NKAIN3: variants seen among roughly 807,000 people sequenced by gnomAD.
NKAIN3 encodes the protein sodium/potassium transporting ATPase interacting 3, also known as sodium/potassium-transporting ATPase subunit beta-1-interacting protein 3.
NKAIN3 carries 25 observed loss-of-function variants against 30.2 expected under a neutral mutation model. The ratio of observed to expected loss-of-function variants is 0.83; its 90% CI spans 0.60 to 1.16. NKAIN3 has a LOEUF of 1.16. Among genes scored for constraint, NKAIN3 ranks in the 50% most tolerant of loss-of-function variants. NKAIN3 has a pLI of 0.00. For missense variants in NKAIN3, 225 were observed against 254.1 expected (o/e 0.89, Z 0.78); for synonymous variants, 91 against 89.6 (o/e 1.02, Z -0.09).
intron 3 of NKAIN3, among the ~76,000 whole-genome samples, chr8:62,591,218 G>A (rs1810639637): frequency 6.6e-6 from 1 of 151,834 alleles, no homozygotes; most frequent in Non-Finnish European, 1.5e-5. Context: ...AATTAGACCA[G>A]AGAAATTTGT....
At chr8:62,589,202 T>G (rs1810575402) in intron 2 of NKAIN3, among the ~76,000 whole-genome samples, 1 of 151,828 alleles carries the variant, frequency 6.6e-6, no homozygotes, top group Non-Finnish European at 1.5e-5. Flanking sequence ...TTTTATTATA[T>G]GATCATATTA....
intron 2 of NKAIN3, among the ~76,000 whole-genome samples, chr8:62,582,874 G>A (rs1810350011): frequency 1.3e-5 from 2 of 152,142 alleles, no homozygotes; most frequent in Admixed American, 6.5e-5. Flanking sequence ...CCTGAGCCAG[G>A]TGTGGAGACC....
chr8:62,893,384 A>G (rs1821346436), intron 4 of NKAIN3, among the ~76,000 whole-genome samples: 1 of 152,210 alleles, frequency 6.6e-6, no homozygotes, highest in Non-Finnish European at 1.5e-5. Context: ...CTAATTTTTT[A>G]AGAGAAATGA....
intron 3 of NKAIN3, among the ~76,000 whole-genome samples, chr8:62,691,943 C>T (rs1813981095): frequency 1.3e-5 from 2 of 152,176 alleles, no homozygotes; most frequent in South Asian, 4.1e-4. Flanking sequence ...TGTCCATGGC[C>T]AGCTTCAGGT....
chr8:62,954,419 G>T (rs1212153686), intron 6 of NKAIN3, among the ~76,000 whole-genome samples: 1 of 152,082 alleles, frequency 6.6e-6, no homozygotes, highest in African/African-American at 2.4e-5. Flanking sequence ...GGGGGAAATA[G>T]ATTAAATTGG....
At chr8:62,398,074 AGC>A (rs1491433609) in intron 1 of NKAIN3, among the ~76,000 whole-genome samples, 4 of 152,208 alleles carry the variant, frequency 2.6e-5, no homozygotes, top group Non-Finnish European at 5.9e-5. Flanking sequence ...GCTGGCAAGA[AGC>A]CCCCCAAACA....
At chr8:62,511,744 T>C (rs1191004281) in intron 1 of NKAIN3, among the ~76,000 whole-genome samples, 1 of 152,040 alleles carries the variant, frequency 6.6e-6, no homozygotes, top group African/African-American at 2.4e-5. Flanking sequence ...TCTTTACAAA[T>C]GCTTTTCTTT....
At chr8:62,401,903 C>T (rs1251491045) in intron 1 of NKAIN3, among the ~76,000 whole-genome samples, 3 of 152,198 alleles carry the variant, frequency 2.0e-5, no homozygotes, top group East Asian at 1.9e-4. Context: ...CCAAGGTCCA[C>T]GATAACCACT....
chr8:62,588,116 AG>A (rs1440753986), intron 2 of NKAIN3, among the ~76,000 whole-genome samples: 1 of 151,668 alleles, frequency 6.6e-6, no homozygotes, highest in African/African-American at 2.4e-5. Flanking sequence ...CTTGACTTAG[AG>A]GTTAGCATTG....
rs1005800935 is a variant in NKAIN3, at chr8:62,746,992, C to G, written c.334C>G (p.Pro112Ala). ...TCGGTCATGGTGGAGAGAACATGGG[C>G]CTGGTTGTGTCAGAAGAGTGCTGCC... ...VHRSWWREHGPGCVRRVLPPS... is the reference protein window; with the variant it reads ...VHRSWWREHGAGCVRRVLPPS... The change falls in exon 4 of 7, where the codon CCT becomes GCT. Residue 112 changes from proline (P) to alanine (A), a missense_variant. Pro to Ala is a conservative substitution (Grantham distance 27). Transcript: ENST00000623646. 3 of 1,613,784 alleles carry G rather than the reference C, an allele frequency of 1.9e-6. No individual in the cohort carries two copies. Among genetic ancestry groups the G allele is most frequent in the Non-Finnish European group, 2.5e-6 (3 of 1,179,810 alleles).
At chr8:62,585,529 G>A (rs1356195094) in intron 2 of NKAIN3, among the ~76,000 whole-genome samples, 3 of 152,126 alleles carry the variant, frequency 2.0e-5, no homozygotes, top group African/African-American at 7.2e-5. Flanking sequence ...CAGAGGTTGG[G>A]CGAGTTGGTT....
chr8:62,725,440 C>A (rs955509165), intron 3 of NKAIN3, among the ~76,000 whole-genome samples: 1 of 152,044 alleles, frequency 6.6e-6, no homozygotes, highest in Non-Finnish European at 1.5e-5. Flanking sequence ...CTCAAGAAAT[C>A]TTTGCCCACC....
chr8:62,453,701 A>G (rs1805720713), intron 1 of NKAIN3, among the ~76,000 whole-genome samples: 1 of 152,194 alleles, frequency 6.6e-6, no homozygotes, highest in African/African-American at 2.4e-5. Context: ...GGGCATTACC[A>G]CCGACCCCAC....
At chr8:62,816,411 A>G (rs916295576) in intron 4 of NKAIN3, among the ~76,000 whole-genome samples, 12 of 152,188 alleles carry the variant, frequency 7.9e-5, no homozygotes, top group African/African-American at 2.7e-4. Context: ...GTGCATAAGC[A>G]TGCAGCAACT....
intron 1 of NKAIN3, among the ~76,000 whole-genome samples, chr8:62,312,078 AT>A (rs1814458142): frequency 6.6e-6 from 1 of 150,594 alleles, no homozygotes; most frequent in African/African-American, 2.5e-5. Context: ...AGAAAAAAAA[AT>A]AAAGGAGAAT....
Position 62,469,326 on chromosome 8 carries a change from A to G in NKAIN3, c.55-110213A>G, listed in dbSNP as rs1033649517. ...TTATCTCATCCTTAAAAAACAATGT[A>G]TGAAACAGTTATTCATCTTATGTGT... On this transcript the variant is annotated intron_variant, in intron 1 of 6. Coordinates refer to ENST00000623646, the MANE Select transcript of NKAIN3 (RefSeq NM_001304533.3). Among the ~76,000 whole-genome samples the G allele has an allele frequency of 1.3e-4, 20 of 152,356 alleles. 1 individual carries two copies. The South Asian group carries it at 4.1e-3, about 32-fold the overall frequency.
At chr8:62,578,128 A>T (rs1038886288) in intron 1 of NKAIN3, among the ~76,000 whole-genome samples, 1 of 152,132 alleles carries the variant, frequency 6.6e-6, no homozygotes, top group African/African-American at 2.4e-5. Flanking sequence ...ACAAAACTAG[A>T]AAAATGCCTG....
intron 1 of NKAIN3, among the ~76,000 whole-genome samples, chr8:62,297,922 C>T (rs1585649888): frequency 6.6e-6 from 1 of 152,030 alleles, no homozygotes; most frequent in Admixed American, 6.6e-5. Context: ...TGGAACCAAC[C>T]CAAATGTCCA....
chr8:62,668,734 T>C (rs933909377), intron 3 of NKAIN3, among the ~76,000 whole-genome samples: 2 of 152,198 alleles, frequency 1.3e-5, no homozygotes, highest in Non-Finnish European at 2.9e-5. Flanking sequence ...TACTTATTAA[T>C]TAATCAATTA....
Sources: gnomAD v4.1 joint callset for allele counts (sites outside exome capture counted in the v4.1 genomes callset) on GRCh38, gnomAD v4.1.1 for gene constraint, MANE v1.5 for transcripts, NCBI Gene and HGNC (gene_info 2026-07-23, HGNC 2026-07-21) for gene names.